BTBD9: variants seen among roughly 807,000 people sequenced by gnomAD.
The protein encoded by BTBD9 is BTB/POZ domain-containing protein 9.
Under a neutral mutation model 64.3 loss-of-function variants are expected in BTBD9, and 49 were observed. That is an observed-to-expected ratio of 0.76 (90% CI 0.61 to 0.97). The LOEUF is 0.97. Among genes scored for constraint, BTBD9 ranks in the 50% least tolerant of loss-of-function variants. The probability of loss-of-function intolerance (pLI) is 0.00; values close to 1 mark genes in which losing one functional copy is unlikely to be tolerated. For missense variants in BTBD9, 598 were observed against 762.1 expected, an observed-to-expected ratio of 0.78 and a Z score of 2.53; for synonymous variants, 260 against 274.7, an observed-to-expected ratio of 0.95 and a Z score of 0.53.
intron 8 of BTBD9, among the ~76,000 whole-genome samples, chr6:38,270,566 T>C (rs1440832563): frequency 2.6e-5 from 4 of 151,962 alleles, no homozygotes; most frequent in African/African-American, 4.8e-5. Flanking sequence ...ATGAGAGTGT[T>C]TGGGTGTCAG....
At chr6:38,419,726 C>T (rs558994003) in intron 6 of BTBD9, among the ~76,000 whole-genome samples, 1 of 152,006 alleles carries the variant, frequency 6.6e-6, no homozygotes, top group African/African-American at 2.4e-5. Context: ...CAAAATTAGC[C>T]GGTTGTGGCA....
chr6:38,605,454 G>C (rs1028492736), intron 1 of BTBD9, among the ~76,000 whole-genome samples: 2 of 152,212 alleles, frequency 1.3e-5, no homozygotes, highest in African/African-American at 2.4e-5. Flanking sequence ...TGAGAGAAGA[G>C]TGGGAATTCC....
chr6:38,278,553 G>C (rs902399854), intron 8 of BTBD9, among the ~76,000 whole-genome samples: 2 of 152,184 alleles, frequency 1.3e-5, no homozygotes, highest in Admixed American at 6.5e-5. Flanking sequence ...AAACAAATTA[G>C]AATCTTTGGA....
intron 9 of BTBD9, among the ~76,000 whole-genome samples, chr6:38,214,310 C>T (rs966965167): frequency 1.3e-5 from 2 of 152,244 alleles, no homozygotes; most frequent in South Asian, 4.1e-4. Context: ...GCGCCCTCAG[C>T]CAGGCTGCCA....
chr6:38,351,659 G>A (rs559670137), intron 6 of BTBD9, among the ~76,000 whole-genome samples: 2 of 151,866 alleles, frequency 1.3e-5, no homozygotes, highest in Admixed American at 6.6e-5. Flanking sequence ...CCGCTACCAC[G>A]CCGGCTACTT....
intron 7 of BTBD9, among the ~76,000 whole-genome samples, chr6:38,319,606 G>A (rs1006359192): frequency 6.6e-6 from 1 of 152,042 alleles, no homozygotes; most frequent in African/African-American, 2.4e-5. Flanking sequence ...GCCTGGAATG[G>A]AGGCCTCAGG....
intron 6 of BTBD9, among the ~76,000 whole-genome samples, chr6:38,373,617 G>A (rs1041636770): frequency 9.2e-5 from 14 of 152,028 alleles, no homozygotes; most frequent in Admixed American, 2.0e-4. Flanking sequence ...CTGCAGCCTC[G>A]ACCTGCCAGG....
chr6:38,599,526 C>T (rs1424294591), intron 1 of BTBD9, among the ~76,000 whole-genome samples: 1 of 152,188 alleles, frequency 6.6e-6, no homozygotes, highest in Non-Finnish European at 1.5e-5. Context: ...CAGATGCCCC[C>T]GGTGAAGAGG....
intron 1 of BTBD9, among the ~76,000 whole-genome samples, chr6:38,617,103 A>C (rs952743466): frequency 1.3e-5 from 2 of 152,190 alleles, no homozygotes; most frequent in Non-Finnish European, 2.9e-5. Flanking sequence ...ACCGGACTAA[A>C]GACACGGGTG....
chr6:38,234,332 G>T (rs1303940367), intron 9 of BTBD9, among the ~76,000 whole-genome samples: 4 of 152,140 alleles, frequency 2.6e-5, no homozygotes, highest in Admixed American at 1.3e-4. Flanking sequence ...TTGCTCTAAA[G>T]GTGGAGCTAT....
At chr6:38,214,327 A>G (rs1762936102) in intron 9 of BTBD9, among the ~76,000 whole-genome samples, 1 of 152,242 alleles carries the variant, frequency 6.6e-6, no homozygotes. Context: ...GCCATGTGGC[A>G]TTATGCCAGT....
At chr6:38,250,369 A>T (rs1322507947) in intron 9 of BTBD9, among the ~76,000 whole-genome samples, 1 of 152,240 alleles carries the variant, frequency 6.6e-6, no homozygotes, top group Non-Finnish European at 1.5e-5. Context: ...AAGCTGTCTA[A>T]TAGGAAGCTA....
rs115953442 is a variant in BTBD9, at chr6:38,406,370, T to C, written c.1155-61277A>G. Among the ~76,000 whole-genome samples, 469 of 152,312 alleles carry C rather than the reference T, an allele frequency of 3.1e-3. 2 individuals carry two copies. The highest frequency in any genetic ancestry group is 0.011 in the African/African-American group (450 of 41,562). ...TGTTTTTTTAATCTCCAAATTCTAC[T>C]GACTATCAGCAAGTTGAAGCAAGCC... On this transcript the variant is annotated intron_variant, in intron 6 of 10. Transcript: ENST00000481247.
At chr6:38,330,740 A>G (rs1763643838) in intron 7 of BTBD9, among the ~76,000 whole-genome samples, 1 of 152,222 alleles carries the variant, frequency 6.6e-6, no homozygotes, top group Non-Finnish European at 1.5e-5. Flanking sequence ...CAGAAGCTAG[A>G]GTAGATATAA....
chr6:38,626,515 A>G (rs187891200), intron 1 of BTBD9, among the ~76,000 whole-genome samples: 2 of 152,282 alleles, frequency 1.3e-5, no homozygotes, highest in Admixed American at 6.5e-5. Context: ...TTGGACCCAG[A>G]GCACCTAATA....
At chr6:38,419,351 A>G (rs1172980678) in intron 6 of BTBD9, among the ~76,000 whole-genome samples, 1 of 152,234 alleles carries the variant, frequency 6.6e-6, no homozygotes, top group East Asian at 1.9e-4. Context: ...TCACTGAATT[A>G]CATACTTTAA....
intron 6 of BTBD9, among the ~76,000 whole-genome samples, chr6:38,429,748 A>T (rs1768355158): frequency 6.6e-6 from 1 of 152,048 alleles, no homozygotes. Flanking sequence ...CTCAGAAACT[A>T]TCAGGTTAAT....
At chr6:38,359,027 T>C (rs1211952989) in intron 6 of BTBD9, among the ~76,000 whole-genome samples, 2 of 152,098 alleles carry the variant, frequency 1.3e-5, no homozygotes, top group African/African-American at 2.4e-5. Context: ...CGCCTCGGCC[T>C]CCCAAAGTGC....
chr6:38,317,835 C>G (rs893474612), intron 7 of BTBD9, among the ~76,000 whole-genome samples: 1 of 151,672 alleles, frequency 6.6e-6, no homozygotes, highest in African/African-American at 2.4e-5. Context: ...TCCAGAATTT[C>G]TGCTTGATGC....
Sources: gnomAD v4.1 joint callset for allele counts (sites outside exome capture counted in the v4.1 genomes callset) on GRCh38, gnomAD v4.1.1 for gene constraint, MANE v1.5 for transcripts, NCBI Gene and HGNC (gene_info 2026-07-23, HGNC 2026-07-21) for gene names.